NALF2: variants seen among roughly 807,000 people sequenced by gnomAD.
The protein encoded by NALF2 is bB57D9.1 (TED protein).
In NALF2, 1 loss-of-function variant was observed where a neutral mutation model predicts 24.8. That is an observed-to-expected ratio of 0.04 (90% CI 0.01 to 0.19). The LOEUF (loss-of-function observed/expected upper bound fraction) is 0.19. Ranked by LOEUF, NALF2 falls within the 10% of genes least tolerant of loss-of-function variation. The pLI is 1.00. For synonymous variants in NALF2, 254 were observed against 189.8 expected, an observed-to-expected ratio of 1.34 and a Z score of -2.78; for missense variants, 458 against 409.6, an observed-to-expected ratio of 1.12 and a Z score of -1.02.
In NALF2 at chrX:69,505,115, C is replaced by A; in HGVS notation, c.-168C>A. The A allele has an allele frequency of 2.8e-6, 1 of 356,308 alleles. No individual in the cohort carries two copies. Among genetic ancestry groups the A allele is most frequent in the Non-Finnish European group, 4.4e-6 (1 of 224,900 alleles). 29.4% of individuals were successfully genotyped at this position (356,308 alleles called of 1,213,427 possible). On this transcript the variant is annotated 5_prime_UTR_variant, in exon 1 of 3. Transcript: ENST00000252338. ...GAGACGGCACCAGAGCGCCCCGCGA[C>A]TCCGGCCTGAGCGGGGCATCGCGCC...
rs201548596 is a variant in NALF2 at position 69,529,096 on chromosome X, G to T, written c.965G>T (p.Arg322Leu). ...CKQYCLEVQTRCPFILPDNEE... is the reference protein window; with the variant it reads ...CKQYCLEVQTLCPFILPDNEE... ...CAATACTGCCTGGAGGTGCAGACCC[G>T]GTGCCCCTTTATACTCCCCGACAAT... is the stretch of plus-strand genomic sequence containing the variant. The change falls in exon 2 of 3, where the codon CGG becomes CTG. Residue 322 changes from arginine to leucine, a missense_variant. Arg to Leu is a moderately radical substitution (Grantham distance 102, BLOSUM62 -2). Transcript: ENST00000252338. 8.3e-7 allele frequency: 1 copy of T among 1,208,991 alleles called. No homozygotes were observed. The highest frequency in any genetic ancestry group is 1.1e-6 in the Non-Finnish European group (1 of 894,688).
intron 1 of NALF2, among the ~76,000 whole-genome samples, chrX:69,518,427 A>G (rs1015675997): frequency 5.4e-5 from 6 of 112,107 alleles, no homozygotes; most frequent in African/African-American, 1.9e-4. Flanking sequence ...ATACACACAC[A>G]TATATATGTG....
intron 1 of NALF2, among the ~76,000 whole-genome samples, chrX:69,509,476 G>A (rs767106335): frequency 2.3e-4 from 26 of 111,284 alleles, no homozygotes; most frequent in Non-Finnish European, 4.5e-4. Flanking sequence ...TCTCATAGCT[G>A]TTGATCTGAG....
At position 69,530,423 on chromosome X, in the gene NALF2, C is replaced by T. The variant is rs183928328; in HGVS notation, c.*467C>T. On this transcript the variant is annotated 3_prime_UTR_variant, in exon 3 of 3. Coordinates refer to ENST00000252338, the MANE Select transcript of NALF2 (RefSeq NM_015686.3). ...CTCCTGCCCATATCCCTACAGGCGA[C>T]GGCAGACAGTGCAATGGCCCTCCTG... The T allele has an allele frequency of 1.2e-3, 141 of 118,530 alleles. No individual in the cohort carries two copies. Among genetic ancestry groups the T allele is most frequent in the African/African-American group, 4.2e-3 (132 of 31,192 alleles). 9.8% of individuals were successfully genotyped at this position (118,530 alleles called of 1,213,427 possible). A position where few individuals can be genotyped will look rare whatever the true frequency, so the allele number is the denominator to read the frequency against.
chrX:69,530,029 C>G lies in NALF2; in HGVS notation c.*73C>G. 1 of 820,021 alleles carries G rather than the reference C, an allele frequency of 1.2e-6. No homozygotes were observed. The highest frequency in any genetic ancestry group is 1.7e-6 in the Non-Finnish European group (1 of 587,739). 67.6% of individuals were successfully genotyped at this position (820,021 alleles called of 1,213,427 possible). ...CTCCCCCAGGTTGGGGGGGAGGGGGCTCCTCCCATGGGAGGTGTAGGATAA... is the reference window on the plus strand; with the variant it reads ...CTCCCCCAGGTTGGGGGGGAGGGGGGTCCTCCCATGGGAGGTGTAGGATAA... On this transcript the variant is annotated 3_prime_UTR_variant, in exon 3 of 3. Transcript: ENST00000252338.
intron 1 of NALF2, among the ~76,000 whole-genome samples, chrX:69,521,156 C>T (rs1350302629): frequency 8.9e-6 from 1 of 112,084 alleles, no homozygotes; most frequent in Admixed American, 9.4e-5. Flanking sequence ...CCCATTGTAT[C>T]CCACTTTGCG....
rs1437161260 is a variant in NALF2, at chrX:69,505,782, G to C, written c.500G>C (p.Arg167Pro). ...FEPTTPAPPL[R>P]PPDSLSRAPA... ...CCGACTACTCCGGCCCCCCCTCTGC[G>C]GCCCCCTGACTCCCTTTCCCGTGCC... The change falls in exon 1 of 3, where the codon CGG becomes CCG. Residue 167 changes from arginine (R) to proline (P), a missense_variant. Coordinates refer to ENST00000252338, the MANE Select transcript of NALF2 (RefSeq NM_015686.3). The C allele has an allele frequency of 8.3e-7, 1 of 1,210,214 alleles. No individual in the cohort carries two copies.
chrX:69,529,921 C>T lies in NALF2; in HGVS notation c.1384C>T (p.Pro462Ser). 8.3e-7 allele frequency: 1 copy of T among 1,208,705 alleles called. No individual in the cohort carries two copies. The highest frequency in any genetic ancestry group is 1.1e-6 in the Non-Finnish European group (1 of 894,206). The change falls in exon 3 of 3, where the codon CCT becomes TCT. Residue 462 changes from proline to serine, a missense_variant. Physicochemically the swap from Pro to Ser is moderately conservative, Grantham distance 74 (BLOSUM62 -1). Transcript: ENST00000252338. ...TGGGGGATTGGGGCTGGAGACACTG[C>T]CTGCCCTAGAGGAGGGCCTGACACG... ...GGGGLGLETLPALEEGLTREE is the reference protein window; with the variant it reads ...GGGGLGLETLSALEEGLTREE
At chrX:69,516,293 A>G (rs1930660117) in intron 1 of NALF2, among the ~76,000 whole-genome samples, 1 of 111,533 alleles carries the variant, frequency 9.0e-6, no homozygotes, top group African/African-American at 3.3e-5. Flanking sequence ...TTGGATCCAA[A>G]TTGAGGCCCA....
In NALF2 at chrX:69,505,693, C is replaced by T; in HGVS notation, c.411C>T (p.Val137=). Residue 137 remains valine (V), a synonymous_variant, in exon 1 of 3, where the codon GTC becomes GTT. Transcript: ENST00000252338. ...AAGSRPVCGG[V]PEPTGLDAAC... ...GCTCTCGGCCGGTCTGCGGCGGCGT[C>T]CCAGAGCCCACGGGGCTGGACGCAG... The T allele has an allele frequency of 8.3e-7, 1 of 1,209,835 alleles. No homozygotes were observed. The highest frequency in any genetic ancestry group is 1.1e-6 in the Non-Finnish European group (1 of 894,780).
Position 69,505,674 on chromosome X carries a change from G to C in NALF2, c.392G>C (p.Arg131Pro), listed in dbSNP as rs1930459972. The change falls in exon 1 of 3, where the codon CGG becomes CCG. Residue 131 changes from arginine (R) to proline (P), a missense_variant. Coordinates refer to ENST00000252338, the MANE Select transcript of NALF2 (RefSeq NM_015686.3). ...LTKAAPAAGS[R>P]PVCGGVPEPT... is the part of the protein sequence containing the mutation. ...AAAGCCGCCCCCGCCGCCGGCTCTC[G>C]GCCGGTCTGCGGCGGCGTCCCAGAG... 8 of 1,206,526 alleles carry C rather than the reference G, an allele frequency of 6.6e-6. No homozygotes were observed. The highest frequency in any genetic ancestry group is 1.8e-5 in the South Asian group (1 of 56,696).
intron 1 of NALF2, among the ~76,000 whole-genome samples, chrX:69,507,486 T>C (rs1930507538): frequency 9.0e-6 from 1 of 110,997 alleles, no homozygotes; most frequent in Non-Finnish European, 1.9e-5. Flanking sequence ...ATTCCACTTC[T>C]TAAAGGTATA....
At chrX:69,527,349 A>ACCC (rs1403713343) in intron 1 of NALF2, among the ~76,000 whole-genome samples, 1 of 112,067 alleles carries the variant, frequency 8.9e-6, no homozygotes, top group African/African-American at 3.2e-5. Context: ...AACACAACCT[A>ACCC]CCCCATCACC....
intron 1 of NALF2, among the ~76,000 whole-genome samples, chrX:69,508,161 G>A (rs1303121315): frequency 9.0e-6 from 1 of 111,642 alleles, no homozygotes; most frequent in South Asian, 3.9e-4. Flanking sequence ...GTCTTTTGTG[G>A]GAAGAAGGTG....
At chrX:69,511,570 C>T (rs894005681) in intron 1 of NALF2, among the ~76,000 whole-genome samples, 1 of 111,852 alleles carries the variant, frequency 8.9e-6, no homozygotes, top group African/African-American at 3.3e-5. Flanking sequence ...CCATCCTTCC[C>T]GCAGGCTGGT....
chrX:69,522,842 A>G (rs1400762564), intron 1 of NALF2, among the ~76,000 whole-genome samples: 1 of 112,442 alleles, frequency 8.9e-6, no homozygotes, highest in Non-Finnish European at 1.9e-5. Flanking sequence ...GATGCAGTAC[A>G]AAGAGGCATC....
chrX:69,506,263 G>A (rs1292130875), intron 1 of NALF2, 120 bp downstream of exon 1: 8 of 796,002 alleles, frequency 1.0e-5, no homozygotes, highest in Non-Finnish European at 1.4e-5. Flanking sequence ...ACCGTGCCCA[G>A]TGCAGCACTA....
At chrX:69,526,213 C>T (rs1276385884) in intron 1 of NALF2, among the ~76,000 whole-genome samples, 1 of 111,358 alleles carries the variant, frequency 9.0e-6, no homozygotes, top group Non-Finnish European at 1.9e-5. Context: ...ATTTGTTTGC[C>T]GACATACCTT....
At chrX:69,518,676 A>C (rs2147714338) in intron 1 of NALF2, among the ~76,000 whole-genome samples, 1 of 112,223 alleles carries the variant, frequency 8.9e-6, no homozygotes, top group South Asian at 3.7e-4. Flanking sequence ...TAGCTTATAA[A>C]GCTTTTAAAT....
Sources: gnomAD v4.1 joint callset for allele counts (sites outside exome capture counted in the v4.1 genomes callset) on GRCh38, gnomAD v4.1.1 for gene constraint, MANE v1.5 for transcripts, NCBI Gene and HGNC (gene_info 2026-07-23, HGNC 2026-07-21) for gene names.